CLYBL: variants seen among roughly 807,000 people sequenced by gnomAD.
CLYBL encodes citramalyl-CoA lyase.
A neutral mutation model predicts 38.9 loss-of-function variants in CLYBL; 31 were observed. The observed-to-expected ratio is 0.80, with a 90% CI of 0.60 to 1.08. The LOEUF (loss-of-function observed/expected upper bound fraction) is 1.08. Ranked by LOEUF, CLYBL falls within the 50% of genes least tolerant of loss-of-function variation. CLYBL has a pLI of 0.00. For synonymous variants in CLYBL, 171 were observed against 158.6 expected, an observed-to-expected ratio of 1.08 and a Z score of -0.59; for missense variants, 434 against 411.6, an observed-to-expected ratio of 1.05 and a Z score of -0.47.
intron 1 of CLYBL, among the ~76,000 whole-genome samples, chr13:99,631,834 C>T (rs1452254531): frequency 6.6e-6 from 1 of 152,152 alleles, no homozygotes; most frequent in African/African-American, 2.4e-5. Flanking sequence ...ATCTCTTGAC[C>T]TCGTGATCCA....
chr13:99,879,560 T>C (rs547382763), intron 7 of CLYBL, among the ~76,000 whole-genome samples: 14 of 152,352 alleles, frequency 9.2e-5, no homozygotes, highest in Admixed American at 6.5e-5. Context: ...CTAAATTTAT[T>C]TGTTTTCCTC....
chr13:99,894,318 C>T (rs1056741250), downstream of CLYBL: 2 of 152,244 alleles, frequency 1.3e-5, no homozygotes, highest in Admixed American at 6.5e-5. Context: ...GAGAGCTGCC[C>T]GACTCCTGAG....
At chr13:99,830,603 C>T (rs1467817096) in intron 2 of CLYBL, among the ~76,000 whole-genome samples, 1 of 152,152 alleles carries the variant, frequency 6.6e-6, no homozygotes, top group South Asian at 2.1e-4. Flanking sequence ...CTGTGACAGT[C>T]CCTAGCTCTG....
chr13:99,701,495 A>G (rs557428531), intron 1 of CLYBL, among the ~76,000 whole-genome samples: 91 of 151,654 alleles, frequency 6.0e-4, no homozygotes, highest in Admixed American at 1.6e-3. Flanking sequence ...TGTATTTTTA[A>G]TAGAGACGGG....
intron 1 of CLYBL, among the ~76,000 whole-genome samples, chr13:99,712,481 C>T (rs751066896): frequency 5.9e-5 from 9 of 151,670 alleles, no homozygotes; most frequent in Non-Finnish European, 1.0e-4. Context: ...AATACAGGTG[C>T]GTGCCACCAT....
chr13:99,843,898 G>A (rs1488037750), intron 2 of CLYBL, among the ~76,000 whole-genome samples: 2 of 152,138 alleles, frequency 1.3e-5, no homozygotes, highest in Non-Finnish European at 1.5e-5. Flanking sequence ...CACCATGCCT[G>A]GCCAAAAAAT....
intron 1 of CLYBL, among the ~76,000 whole-genome samples, chr13:99,749,942 G>T (rs2048924339): frequency 1.3e-5 from 2 of 152,350 alleles, no homozygotes; most frequent in South Asian, 4.1e-4. Flanking sequence ...AATTATCATA[G>T]ATGCTGGTGT....
intron 1 of CLYBL, among the ~76,000 whole-genome samples, chr13:99,748,697 T>A (rs1319765731): frequency 6.6e-6 from 1 of 151,488 alleles, no homozygotes; most frequent in Non-Finnish European, 1.5e-5. Context: ...GCTTGGCCTC[T>A]CAAAGTGCTG....
At chr13:99,785,596 T>C (rs1369988059) in intron 2 of CLYBL, among the ~76,000 whole-genome samples, 1 of 138,924 alleles carries the variant, frequency 7.2e-6, no homozygotes, top group Non-Finnish European at 1.6e-5. Context: ...TATTTCTAAA[T>C]AATACATTTT....
At chr13:99,903,795 G>C (rs1161791885) in intron 8 of CLYBL, among the ~76,000 whole-genome samples, 2 of 152,202 alleles carry the variant, frequency 1.3e-5, no homozygotes, top group African/African-American at 4.8e-5. Context: ...TCTGCAAAAT[G>C]AATCTGATTT....
intron 1 of CLYBL, among the ~76,000 whole-genome samples, chr13:99,750,668 TGC>T: frequency 6.9e-6 from 1 of 145,952 alleles, no homozygotes. Context: ...AAGGAGACTC[TGC>T]CTCAAAAAAA....
intron 1 of CLYBL, among the ~76,000 whole-genome samples, chr13:99,654,336 A>G (rs563621915): frequency 6.6e-6 from 1 of 152,262 alleles, no homozygotes; most frequent in Admixed American, 6.5e-5. Flanking sequence ...GTGGGGAGTG[A>G]GGCCAGGAGC....
At position 99,891,442 on chromosome 13, in the gene CLYBL, G is replaced by C; in HGVS notation, c.*24+5G>C. 6.6e-7 allele frequency: 1 copy of C among 1,520,194 alleles called. No individual in the cohort carries two copies. Among genetic ancestry groups the C allele is most frequent in the Non-Finnish European group, 9.1e-7 (1 of 1,094,596 alleles). 94.2% of individuals were successfully genotyped at this position (1,520,194 alleles called of 1,614,324 possible). A position where few individuals can be genotyped will look rare whatever the true frequency, so the allele number is the denominator to read the frequency against. ...GTTAAATGAAGCTGTCATCAGGTGG[G>C]CTGAACATATACAGTGGGGTTCTTA... On this transcript the variant is annotated splice_donor_5th_base_variant and intron_variant, in intron 8 of 8. Transcript: ENST00000339105.
intron 7 of CLYBL, among the ~76,000 whole-genome samples, chr13:99,878,403 T>C (rs900380019): frequency 3.3e-5 from 5 of 152,242 alleles, no homozygotes; most frequent in Non-Finnish European, 7.3e-5. Flanking sequence ...TGTTTGCTTT[T>C]CTCATAGGCA....
rs2051280866 is a variant in CLYBL, at chr13:99,849,431, G to A, written c.250-9430G>A. Among the ~76,000 whole-genome samples, 1 of 152,066 alleles carries A rather than the reference G, an allele frequency of 6.6e-6. No homozygotes were observed. Among genetic ancestry groups the A allele is most frequent in the African/African-American group, 2.4e-5 (1 of 41,400 alleles). ...AGGAGGCCAAGGCGAGCGGATTGCTGGGGCCTAGGAGTTCGAGGCAGCAGT... is the reference window on the plus strand; with the variant it reads ...AGGAGGCCAAGGCGAGCGGATTGCTAGGGCCTAGGAGTTCGAGGCAGCAGT... On this transcript the variant is annotated intron_variant, in intron 2 of 8. Transcript: ENST00000339105. This position sits in a 1 kb window ranked among gnomAD's most constrained non-coding sequence, Gnocchi z 4.9.
chr13:99,658,361 T>C (rs891370471), intron 1 of CLYBL, among the ~76,000 whole-genome samples: 1 of 152,244 alleles, frequency 6.6e-6, no homozygotes, highest in Non-Finnish European at 1.5e-5. Flanking sequence ...GACCGCGGAC[T>C]GGGTGACAAG....
Position 99,831,378 on chromosome 13 carries a change from A to G in CLYBL, c.250-27483A>G, listed in dbSNP as rs184917079. On this transcript the variant is annotated intron_variant, in intron 2 of 8. Coordinates refer to ENST00000339105, the MANE Select transcript of CLYBL (RefSeq NM_206808.5). ...AATTAACATCATGGTTGTTCTTACT[A>G]ATAATAAGAATAAAAGAACTCTCAG... Among the ~76,000 whole-genome samples, 3 of 152,224 alleles carry G rather than the reference A, an allele frequency of 2.0e-5. No homozygotes were observed. In the East Asian group the frequency reaches 5.8e-4, roughly 29 times the overall value.
At chr13:99,888,147 G>A (rs1181290653) in intron 7 of CLYBL, among the ~76,000 whole-genome samples, 3 of 152,198 alleles carry the variant, frequency 2.0e-5, no homozygotes, top group Non-Finnish European at 4.4e-5. Flanking sequence ...AAGCCACCAT[G>A]CACAGGCTGC....
At chr13:99,807,320 G>T (rs1373802335) in intron 2 of CLYBL, among the ~76,000 whole-genome samples, 2 of 152,152 alleles carry the variant, frequency 1.3e-5, no homozygotes, top group African/African-American at 2.4e-5. Flanking sequence ...AGCCACGAAG[G>T]TCTGATTTGA....
Sources: gnomAD v4.1 joint callset for allele counts (sites outside exome capture counted in the v4.1 genomes callset) on GRCh38, gnomAD v4.1.1 for gene constraint, Gnocchi (gnomAD v3.1) non-coding constraint, MANE v1.5 for transcripts, NCBI Gene and HGNC (gene_info 2026-07-23, HGNC 2026-07-21) for gene names.